PTPN21: variants seen among roughly 807,000 people sequenced by gnomAD.
PTPN21 encodes protein tyrosine phosphatase non-receptor type 21.
PTPN21 carries 77 observed loss-of-function variants against 131.8 expected under a neutral mutation model. The observed-to-expected ratio is 0.58, with a 90% CI of 0.49 to 0.71. The LOEUF (loss-of-function observed/expected upper bound fraction) is 0.71, where lower values mean the gene tolerates loss of function less well. Ranked by LOEUF, PTPN21 falls within the 30% of genes least tolerant of loss-of-function variation. The pLI is 0.00. For missense variants in PTPN21, 1,552 were observed against 1,527.1 expected (o/e 1.02, Z -0.27); for synonymous variants, 715 against 621.3 (o/e 1.15, Z -2.24).
intron 10 of PTPN21, among the ~76,000 whole-genome samples, chr14:88,487,761 T>C (rs2077759178): frequency 1.3e-5 from 2 of 151,840 alleles, no homozygotes; most frequent in Admixed American, 1.3e-4. Flanking sequence ...AAATAAAAAA[T>C]AAAAAATACT....
In PTPN21 at chr14:88,472,433, T is replaced by G; in HGVS notation, c.2682A>C (p.Gly894=). ...TTCTTTCATATTCTGTGAATACCATTCCTTGTTCTAATCGTTGTTCCAGAA... is the reference window on the plus strand; with the variant it reads ...TTCTTTCATATTCTGTGAATACCATGCCTTGTTCTAATCGTTGTTCCAGAA... ...CKILEQRLEQ[G]MVFTEYERIL... is the part of the protein sequence containing the mutation. The change falls in exon 15 of 19, where the codon GGA becomes GGC. Residue 894 remains glycine, a synonymous_variant. Transcript: ENST00000556564. 6.2e-7 allele frequency: 1 copy of G among 1,613,714 alleles called. No individual in the cohort carries two copies. The highest frequency in any genetic ancestry group is 8.5e-7 in the Non-Finnish European group (1 of 1,179,602).
chr14:88,500,184 T>G (rs1366132292), intron 8 of PTPN21, among the ~76,000 whole-genome samples: 1 of 152,176 alleles, frequency 6.6e-6, no homozygotes, highest in Non-Finnish European at 1.5e-5. Context: ...ACACCTGGAA[T>G]CCCAGCACTG....
At chr14:88,532,638 C>G (rs910325972) in intron 2 of PTPN21, among the ~76,000 whole-genome samples, 1 of 151,964 alleles carries the variant, frequency 6.6e-6, no homozygotes, top group African/African-American at 2.4e-5. Context: ...TTTATACATA[C>G]TTTTAATGAG....
rs753553909 is a variant in PTPN21, at chr14:88,469,093, AAATAG to A, written c.3236-22_3236-18del. On this transcript the variant is annotated intron_variant, in intron 17 of 18. Coordinates refer to ENST00000556564, the MANE Select transcript of PTPN21 (RefSeq NM_007039.4). This position sits in a 1 kb window ranked among gnomAD's most constrained non-coding sequence, Gnocchi z 4.3. Reference sequence around the variant, plus strand: ...CAAGATATGCTGTGGAAAATCAATGAAATAGAAAAGTACTCAAGGATCAAGGCGTA... The same window carrying A: ...CAAGATATGCTGTGGAAAATCAATGAAAAAGTACTCAAGGATCAAGGCGTA... The A allele has an allele frequency of 6.2e-6, 10 of 1,601,730 alleles. No homozygotes were observed. The Admixed American group carries it at 1.5e-4, about 24-fold the overall frequency.
intron 2 of PTPN21, among the ~76,000 whole-genome samples, chr14:88,519,817 C>T (rs1286184066): frequency 2.0e-5 from 3 of 152,150 alleles, no homozygotes; most frequent in Admixed American, 1.3e-4. Flanking sequence ...CAAGTCATCA[C>T]ACAAGAATGG....
At position 88,466,910 on chromosome 14, in the gene PTPN21, T is replaced by C. The variant is rs2077373083; in HGVS notation, c.*1227A>G. 6.6e-6 allele frequency: 1 copy of C among 152,210 alleles called. No homozygotes were observed. The highest frequency in any genetic ancestry group is 2.4e-5 in the African/African-American group (1 of 41,460). The allele number at this position is 152,210 out of a possible 1,614,324, so 9.4% of individuals were successfully genotyped here. The stretch of plus-strand genomic sequence containing the variant: ...TCAACCAAAAGGAAAAATACGCCTC[T>C]TTAAGGCTTCTTTTAATGATACTAT... On this transcript the variant is annotated 3_prime_UTR_variant, in exon 19 of 19. Coordinates refer to ENST00000556564, the MANE Select transcript of PTPN21 (RefSeq NM_007039.4).
intron 3 of PTPN21, among the ~76,000 whole-genome samples, chr14:88,515,803 C>T (rs2078260592): frequency 1.3e-5 from 2 of 152,188 alleles, no homozygotes; most frequent in Admixed American, 1.3e-4. Context: ...GGGATTAAAG[C>T]ATATTCACCT....
rs74072411 is a variant in PTPN21, at chr14:88,478,830, G to A, written c.2511+90C>T. On this transcript the variant is annotated intron_variant, in intron 13 of 18. Transcript: ENST00000556564. Reference sequence around the variant, plus strand: ...ATGAAGAACGTTAAAAGAACAAGAGGAGCTGAAAAACACGGGACGTGATGA... The same window carrying A: ...ATGAAGAACGTTAAAAGAACAAGAGAAGCTGAAAAACACGGGACGTGATGA... The A allele has an allele frequency of 5.4e-4, 424 of 789,026 alleles. 6 individuals carry two copies. In the African/African-American group the frequency reaches 6.9e-3, roughly 13 times the overall value. 48.9% of individuals were successfully genotyped at this position (789,026 alleles called of 1,614,324 possible).
chr14:88,475,086 G>A (rs562397885), intron 13 of PTPN21, among the ~76,000 whole-genome samples: 15 of 151,530 alleles, frequency 9.9e-5, no homozygotes, highest in Admixed American at 4.6e-4. Flanking sequence ...GTGAGACTCC[G>A]TCTCCAAAAA....
rs780109422 is a variant in PTPN21, at chr14:88,479,735, G to C, written c.1696C>G (p.Pro566Ala). ...NIMRTQVYRPPPPYPPPRPAN... is the reference protein window; with the variant it reads ...NIMRTQVYRPAPPYPPPRPAN... ...GGCCTGGGGGGCGGGTAGGGTGGGG[G>C]TGGCCGGTACACCTGCGTCCGCATG... The change falls in exon 13 of 19, where the codon CCC (proline) becomes GCC (alanine). Residue 566 changes from proline (P) to alanine (A), a missense_variant. By Grantham distance (27) the Pro-to-Ala change is conservative. Around this residue, in one of 4 missense-constraint regions of PTPN21, gnomAD observed 1,016 missense variants for 883.5 expected, o/e 1.15. Coordinates refer to ENST00000556564, the MANE Select transcript of PTPN21 (RefSeq NM_007039.4). The C allele has an allele frequency of 3.3e-6, 5 of 1,524,860 alleles. No homozygotes were observed. The highest frequency in any genetic ancestry group is 4.4e-6 in the Non-Finnish European group (5 of 1,144,104). 94.5% of individuals were successfully genotyped at this position (1,524,860 alleles called of 1,614,324 possible).
intron 2 of PTPN21, among the ~76,000 whole-genome samples, chr14:88,518,754 T>A (rs2078343954): frequency 6.6e-6 from 1 of 151,788 alleles, no homozygotes; most frequent in Non-Finnish European, 1.5e-5. Flanking sequence ...TTTTAAATAA[T>A]CATAACTGGG....
intron 2 of PTPN21, among the ~76,000 whole-genome samples, chr14:88,527,422 T>C (rs1351061233): frequency 6.6e-6 from 1 of 152,222 alleles, no homozygotes; most frequent in African/African-American, 2.4e-5. Context: ...TTGAACAGTT[T>C]TCCATACGTT....
intron 3 of PTPN21, among the ~76,000 whole-genome samples, chr14:88,511,371 G>C (rs186870012): frequency 4.6e-5 from 7 of 152,004 alleles, no homozygotes; most frequent in Non-Finnish European, 8.8e-5. Flanking sequence ...TTATAAATAT[G>C]TTATTTCAAT....
intron 2 of PTPN21, among the ~76,000 whole-genome samples, chr14:88,549,756 G>A (rs1282633027): frequency 8.7e-5 from 13 of 150,136 alleles, no homozygotes; most frequent in Admixed American, 6.6e-4. Context: ...CCACCACCAC[G>A]CCCAGCCAAT....
intron 2 of PTPN21, among the ~76,000 whole-genome samples, chr14:88,547,933 A>G (rs2078806668): frequency 6.6e-6 from 1 of 152,090 alleles, no homozygotes; most frequent in Non-Finnish European, 1.5e-5. Flanking sequence ...CTGTCTATTC[A>G]AAACCTCCAA....
At chr14:88,485,979 GA>G (rs2077725821) in intron 10 of PTPN21, 137 bp from the exon 11 acceptor site, 2 of 608,004 alleles carry the variant, frequency 3.3e-6, no homozygotes, top group Non-Finnish European at 5.6e-6. Context: ...TGAAGTCAAA[GA>G]AAAGAAGGGA....
At chr14:88,505,473 A>G in intron 4 of PTPN21, 102 bp from the exon 5 acceptor site, 2 of 721,858 alleles carry the variant, frequency 2.8e-6, no homozygotes, top group Non-Finnish European at 4.6e-6. Flanking sequence ...GTATGCTAAT[A>G]TTTCAGAAGT....
rs752168766 is a variant in PTPN21, at chr14:88,479,532, G to A, written c.1899C>T (p.His633=). ...PLTAARHAQL[H]KRNSIEVAGL... is the part of the protein sequence containing the mutation. The stretch of plus-strand genomic sequence containing the variant: ...CGGCCACCTCGATGCTGTTCCGTTT[G>A]TGCAGCTGCGCGTGGCGCGCGGCGG... The change falls in exon 13 of 19, where the codon CAC becomes CAT. Residue 633 remains histidine, a synonymous_variant. Transcript: ENST00000556564. 1.4e-5 allele frequency: 22 copies of A among 1,600,186 alleles called. No homozygotes were observed. Among genetic ancestry groups the A allele is most frequent in the Non-Finnish European group, 1.6e-5 (19 of 1,179,292 alleles).
At chr14:88,552,782 A>G (rs2078885446) in intron 1 of PTPN21, among the ~76,000 whole-genome samples, 1 of 152,220 alleles carries the variant, frequency 6.6e-6, no homozygotes, top group Non-Finnish European at 1.5e-5. Flanking sequence ...TATAAACTAA[A>G]TAAGTAAAGC....
Sources: gnomAD v4.1 joint callset for allele counts (sites outside exome capture counted in the v4.1 genomes callset) on GRCh38, gnomAD v4.1.1 for gene constraint, gnomAD v4.1.1 regional missense constraint, Gnocchi (gnomAD v3.1) non-coding constraint, MANE v1.5 for transcripts, NCBI Gene and HGNC (gene_info 2026-07-23, HGNC 2026-07-21) for gene names.